The following PBRM1 variants were observed in gnomAD, a reference collection of about 807,000 sequenced individuals.
PBRM1 encodes polybromo 1, also known as protein polybromo-1.
Under a neutral mutation model 194.5 loss-of-function variants are expected in PBRM1, and 27 were observed. The observed-to-expected ratio is 0.14, with a 90% CI of 0.10 to 0.19. The LOEUF is 0.19. Ranked by LOEUF, PBRM1 falls within the 10% of genes least tolerant of loss-of-function variation. PBRM1 has a pLI of 1.00. For missense variants in PBRM1, 1,466 were observed against 2,077.2 expected (o/e 0.71, Z 5.72); for synonymous variants, 655 against 693.2 (o/e 0.94, Z 0.87).
At chr3:52,628,021 G>C (rs1241967324) in intron 12 of PBRM1, among the ~76,000 whole-genome samples, 2 of 152,086 alleles carry the variant, frequency 1.3e-5, no homozygotes, top group Non-Finnish European at 2.9e-5. Flanking sequence ...CTGTCAGATA[G>C]ACCCAATTTG....
At chr3:52,661,460 T>C (rs2096723263) in intron 4 of PBRM1, among the ~76,000 whole-genome samples, 1 of 152,180 alleles carries the variant, frequency 6.6e-6, no homozygotes, top group East Asian at 1.9e-4. Flanking sequence ...GAGAAAAACA[T>C]GTAAACTAGT....
At chr3:52,602,308 C>G (rs1560254992) in intron 17 of PBRM1, among the ~76,000 whole-genome samples, 1 of 152,178 alleles carries the variant, frequency 6.6e-6, no homozygotes, top group Non-Finnish European at 1.5e-5. Context: ...GGTTGCTCCT[C>G]TCTTTCTATA....
intron 3 of PBRM1, 73 bp from the exon 5 acceptor site, chr3:52,662,349 C>T (rs533408825): frequency 1.5e-6 from 2 of 1,336,160 alleles, no homozygotes; most frequent in Non-Finnish European, 2.0e-6. Flanking sequence ...TTTTAAAGCA[C>T]CTGTTTCAGC....
chr3:52,647,111 A>G (rs141936881), intron 7 of PBRM1, among the ~76,000 whole-genome samples: 67 of 152,244 alleles, frequency 4.4e-4, no homozygotes, highest in Non-Finnish European at 1.0e-4. Context: ...ACATTTCTCT[A>G]AAGACGTATG....
chr3:52,636,581 C>T (rs1469984060), intron 10 of PBRM1, among the ~76,000 whole-genome samples: 1 of 150,884 alleles, frequency 6.6e-6, no homozygotes, highest in Non-Finnish European at 1.5e-5. Context: ...CATGATGAAA[C>T]CCCGTCTCTA....
Position 52,558,339 on chromosome 3 carries a change from G to A in PBRM1, c.4363C>T (p.Arg1455Ter), listed in dbSNP as rs1353215997. The A allele has an allele frequency of 6.5e-7, 1 of 1,549,896 alleles. No homozygotes were observed. Among genetic ancestry groups the A allele is most frequent in the Non-Finnish European group, 8.7e-7 (1 of 1,146,562 alleles). Reference sequence around the variant, plus strand: ...AGAGCCCCCACAGGGGTGCCTGCTCGGGGAGAAGCACTCGGCTGCTGTTGC... The same window carrying A: ...AGAGCCCCCACAGGGGTGCCTGCTCAGGGAGAAGCACTCGGCTGCTGTTGC... Residue 1455 changes from arginine (R) to a stop codon, truncating the protein, a stop_gained, in exon 26 of 30, where the codon CGA (arginine) becomes TGA (stop). Coordinates refer to ENST00000296302, the Ensembl canonical transcript of PBRM1. LOFTEE classifies it high-confidence loss of function.
At chr3:52,555,006 A>G (rs1383484068) in intron 26 of PBRM1, 127 bp from the exon 29 acceptor site, 2 of 655,960 alleles carry the variant, frequency 3.0e-6, no homozygotes, top group African/African-American at 1.9e-5. Context: ...TATAACAGCA[A>G]TTAGTGCAAT....
At chr3:52,629,402 G>C (rs543963799) in intron 11 of PBRM1, among the ~76,000 whole-genome samples, 1 of 152,174 alleles carries the variant, frequency 6.6e-6, no homozygotes, top group South Asian at 2.1e-4. Context: ...GAAAATTAGG[G>C]AGGTTTTAAG....
At chr3:52,548,833 C>T (rs2080123634) in intron 29 of PBRM1, among the ~76,000 whole-genome samples, 2 of 152,124 alleles carry the variant, frequency 1.3e-5, no homozygotes, top group Admixed American at 1.3e-4. Flanking sequence ...ATACCTTCTA[C>T]TCTAAAGAAA....
rs748206914 is a variant in PBRM1, at chr3:52,615,410, C to T, written c.1865G>A (p.Arg622Lys). ...ATCAGGCAGTGGGCCCAGCTCTTTC[C>T]TTTTCTCCTTGAGTAACTTCTCCAG... is the stretch of plus-strand genomic sequence containing the variant. The change falls in exon 15 of 30, where the codon AGG becomes AAG. Residue 622 changes from arginine (R) to lysine (K), a missense_variant. Around this residue, in one of 5 missense-constraint regions of PBRM1, gnomAD observed 687 missense variants for 946.2 expected, o/e 0.73. Transcript: ENST00000296302. The T allele has an allele frequency of 2.5e-6, 4 of 1,612,630 alleles. No individual in the cohort carries two copies. The Admixed American group carries it at 5.0e-5, about 20-fold the overall frequency.
At chr3:52,680,620 A>G (rs2097187625), upstream of PBRM1, among the ~76,000 whole-genome samples, 1 of 152,208 alleles carries the variant, frequency 6.6e-6, no homozygotes, top group African/African-American at 2.4e-5. Flanking sequence ...TAACAATACT[A>G]TCAAATAGTA....
chr3:52,626,777 T>C (rs1373915035), intron 13 of PBRM1, among the ~76,000 whole-genome samples: 3 of 152,142 alleles, frequency 2.0e-5, no homozygotes, highest in East Asian at 3.8e-4. Flanking sequence ...TTATGAGCTA[T>C]AAGAAGTTAT....
chr3:52,658,495 A>G (rs1279785462), intron 4 of PBRM1, among the ~76,000 whole-genome samples, 180 bp from the exon 6 acceptor site: 2 of 151,818 alleles, frequency 1.3e-5, no homozygotes, highest in Non-Finnish European at 1.5e-5. Context: ...CCTGGGTTTA[A>G]GTAATTCTCC....
At chr3:52,615,374 A>G (rs1300222257) in exon 15 of PBRM1, 1 of 1,606,644 alleles carries the variant, frequency 6.2e-7, no homozygotes, top group Non-Finnish European at 8.5e-7. Flanking sequence ...GGGAGAAGCC[A>G]TGTCATCATC....
intron 9 of PBRM1, among the ~76,000 whole-genome samples, chr3:52,642,561 A>G (rs2096133643): frequency 7.0e-6 from 1 of 143,522 alleles, no homozygotes; most frequent in African/African-American, 2.5e-5. Context: ...GGTTGCAGAG[A>G]TTGTGCCACT....
intron 20 of PBRM1, among the ~76,000 whole-genome samples, chr3:52,583,096 CAAAAAAAAA>C (rs1157790825): frequency 6.4e-5 from 4 of 62,060 alleles, no homozygotes; most frequent in African/African-American, 1.8e-4. Context: ...GACTCCATCT[CAAAAAAAAA>C]AAAAAAAAAA....
chr3:52,586,589 G>A (rs752851684), exon 20 of PBRM1: 1 of 1,613,946 alleles, frequency 6.2e-7, no homozygotes, highest in Non-Finnish European at 8.5e-7. Context: ...ATGGTCCACA[G>A]TTTAATTTTC....
chr3:52,637,744 A>G (rs2095874012), intron 10 of PBRM1, among the ~76,000 whole-genome samples: 2 of 143,906 alleles, frequency 1.4e-5, no homozygotes, highest in African/African-American at 5.1e-5. Flanking sequence ...CCTGGCCAAC[A>G]TGGCAAAACC....
chr3:52,593,088 T>G (rs1002751935), intron 17 of PBRM1, among the ~76,000 whole-genome samples: 3 of 152,124 alleles, frequency 2.0e-5, no homozygotes, highest in African/African-American at 7.2e-5. Flanking sequence ...ACCAACTTTT[T>G]CAAAAAACCA....
Sources: gnomAD v4.1 joint callset for allele counts (sites outside exome capture counted in the v4.1 genomes callset) on GRCh38, gnomAD v4.1.1 for gene constraint, gnomAD v4.1.1 regional missense constraint, MANE v1.5 for transcripts, NCBI Gene and HGNC (gene_info 2026-07-23, HGNC 2026-07-21) for gene names.